Variants in SYNPR observed in about 807,000 individuals in gnomAD.
The protein encoded by SYNPR is synaptoporin.
Under a neutral mutation model 32.9 loss-of-function variants are expected in SYNPR, and 23 were observed. That is an observed-to-expected ratio of 0.70 (90% CI 0.50 to 0.99). The LOEUF is 0.99. Ranked by LOEUF, SYNPR falls within the 50% of genes least tolerant of loss-of-function variation. The pLI is 0.00. For synonymous variants in SYNPR, 146 were observed against 135.9 expected, an observed-to-expected ratio of 1.07 and a Z score of -0.52; for missense variants, 318 against 349.3, an observed-to-expected ratio of 0.91 and a Z score of 0.71.
intron 3 of SYNPR, among the ~76,000 whole-genome samples, chr3:63,543,051 A>C (rs1702335746): frequency 6.6e-6 from 1 of 152,160 alleles, no homozygotes; most frequent in African/African-American, 2.4e-5. Flanking sequence ...ATTAGAAATC[A>C]TAACTAATAA....
chr3:63,399,348 T>C (rs1400816529), intron 2 of SYNPR, among the ~76,000 whole-genome samples: 1 of 152,228 alleles, frequency 6.6e-6, no homozygotes, highest in Admixed American at 6.5e-5. Context: ...CCTGTATTCT[T>C]GATGGACATC....
At chr3:63,486,324 A>T (rs997673829) in intron 3 of SYNPR, among the ~76,000 whole-genome samples, 1 of 152,180 alleles carries the variant, frequency 6.6e-6, no homozygotes, top group Admixed American at 6.5e-5. Context: ...CCCTTACCCA[A>T]TGACAAATGT....
chr3:63,533,373 A>G (rs1702143059), intron 3 of SYNPR, among the ~76,000 whole-genome samples: 1 of 152,146 alleles, frequency 6.6e-6, no homozygotes, highest in South Asian at 2.1e-4. Flanking sequence ...ATTTCAAGGG[A>G]ATTTAGGAGT....
intron 2 of SYNPR, among the ~76,000 whole-genome samples, chr3:63,475,535 CAGAA>C (rs1234252180): frequency 6.6e-6 from 1 of 152,142 alleles, no homozygotes; most frequent in Non-Finnish European, 1.5e-5. Flanking sequence ...ACCACATTAA[CAGAA>C]AGAAGGCACT....
At chr3:63,461,383 C>T (rs751605656) in intron 2 of SYNPR, among the ~76,000 whole-genome samples, 2 of 152,134 alleles carry the variant, frequency 1.3e-5, no homozygotes, top group Admixed American at 6.6e-5. Context: ...TTCCAGGAAA[C>T]GTAAACACAT....
At chr3:63,538,005 C>G (rs536091821) in intron 3 of SYNPR, among the ~76,000 whole-genome samples, 1 of 152,042 alleles carries the variant, frequency 6.6e-6, no homozygotes, top group African/African-American at 2.4e-5. Context: ...GGACATACAG[C>G]CTCTGGTGGA....
intron 2 of SYNPR, among the ~76,000 whole-genome samples, chr3:63,478,794 G>A (rs1327184333): frequency 2.0e-5 from 3 of 152,252 alleles, no homozygotes; most frequent in Non-Finnish European, 2.9e-5. Context: ...CCATTGCCAC[G>A]GCATGGGGCT....
chr3:63,294,058 A>G (rs1281998717), intron 2 of SYNPR, among the ~76,000 whole-genome samples: 1 of 152,178 alleles, frequency 6.6e-6, no homozygotes, highest in Non-Finnish European at 1.5e-5. Flanking sequence ...ATGCCATTAG[A>G]TAAAATATTT....
At chr3:63,474,777 C>G (rs945897325) in intron 2 of SYNPR, among the ~76,000 whole-genome samples, 1 of 152,108 alleles carries the variant, frequency 6.6e-6, no homozygotes, top group Non-Finnish European at 1.5e-5. Context: ...ATCTCCCAAC[C>G]CCTTACCTAC....
intron 3 of SYNPR, among the ~76,000 whole-genome samples, chr3:63,481,701 A>AGTGCT (rs1227219520): frequency 5.3e-5 from 8 of 152,156 alleles, no homozygotes; most frequent in Non-Finnish European, 1.2e-4. Flanking sequence ...TTTAGTACAA[A>AGTGCT]GTGCTGTGCT....
intron 4 of SYNPR, among the ~76,000 whole-genome samples, chr3:63,603,366 A>T (rs539281716): frequency 2.6e-5 from 4 of 152,176 alleles, no homozygotes; most frequent in African/African-American, 7.2e-5. Context: ...TCCGGCTAGG[A>T]CTTCCCACAC....
chr3:63,387,947 C>T (rs1334142681), intron 2 of SYNPR, among the ~76,000 whole-genome samples: 2 of 152,150 alleles, frequency 1.3e-5, no homozygotes, highest in African/African-American at 4.8e-5. Flanking sequence ...ATTGGATCAA[C>T]ACCTGGGGAG....
chr3:63,239,809 C>G (rs1217185489), intron 1 of SYNPR, among the ~76,000 whole-genome samples: 2 of 151,182 alleles, frequency 1.3e-5, no homozygotes, highest in Non-Finnish European at 3.0e-5. Context: ...CTAACATTGT[C>G]AAATGTGTCA....
intron 2 of SYNPR, chr3:63,427,292 A>G (rs1014677488): frequency 3.3e-5 from 5 of 151,896 alleles, no homozygotes; most frequent in Non-Finnish European, 5.9e-5. Context: ...ATTTCTTGGC[A>G]TATTTCAACT....
intron 2 of SYNPR, among the ~76,000 whole-genome samples, chr3:63,479,605 A>T (rs1701005656): frequency 6.6e-6 from 1 of 152,178 alleles, no homozygotes. Flanking sequence ...CCCTTGATTA[A>T]GATTGAGGTG....
At chr3:63,436,279 T>C (rs992342068) in intron 2 of SYNPR, among the ~76,000 whole-genome samples, 8 of 151,558 alleles carry the variant, frequency 5.3e-5, no homozygotes, top group African/African-American at 1.9e-4. Context: ...TGTGCTGCAC[T>C]CATTAACTCA....
intron 2 of SYNPR, among the ~76,000 whole-genome samples, chr3:63,398,936 A>G (rs1164037973): frequency 6.6e-6 from 1 of 152,194 alleles, no homozygotes. Context: ...GGTGCCAGCT[A>G]CAGAACTGAC....
intron 2 of SYNPR, among the ~76,000 whole-genome samples, chr3:63,304,951 T>C (rs2086896169): frequency 6.6e-6 from 1 of 151,926 alleles, no homozygotes. Context: ...TATAGAACAG[T>C]GGAGAAAGTT....
rs574614539 is a variant in SYNPR at position 63,438,630 on chromosome 3, G to A, written c.85-42202G>A. Among the ~76,000 whole-genome samples, 13 of 152,248 alleles carry A rather than the reference G, an allele frequency of 8.5e-5. No homozygotes were observed. The East Asian group carries it at 2.5e-3, about 29-fold the overall frequency. ...GGAGAAAACAACTTTCTCTTACAAGGAAAATAAAAGATAAGAGGTCTAGAA... is the reference window on the plus strand; with the variant it reads ...GGAGAAAACAACTTTCTCTTACAAGAAAAATAAAAGATAAGAGGTCTAGAA... On this transcript the variant is annotated intron_variant, in intron 2 of 5. Transcript: ENST00000478300.
Sources: allele counts gnomAD v4.1 joint callset (sites outside exome capture counted in the v4.1 genomes callset), GRCh38; gene constraint gnomAD v4.1.1; transcripts MANE v1.5; gene names NCBI Gene and HGNC (gene_info 2026-07-23, HGNC 2026-07-21).